The following SEMA5A variants were observed in gnomAD, a reference collection of about 807,000 sequenced individuals.
SEMA5A encodes the protein semaphorin-5A.
A neutral mutation model predicts 135.5 loss-of-function variants in SEMA5A; 55 were observed. The observed-to-expected ratio is 0.41, with a 90% CI of 0.33 to 0.51. The LOEUF is 0.51. Ranked by LOEUF, SEMA5A falls within the 20% of genes least tolerant of loss-of-function variation. SEMA5A has a pLI of 0.37. For synonymous variants in SEMA5A, 580 were observed against 546.5 expected (o/e 1.06, Z -0.85); for missense variants, 1,290 against 1,419.9 (o/e 0.91, Z 1.47).
intron 2 of SEMA5A, among the ~76,000 whole-genome samples, chr5:9,432,375 CT>C: frequency 6.6e-6 from 1 of 152,140 alleles, no homozygotes; most frequent in Admixed American, 6.5e-5. Flanking sequence ...TAGAGATGCC[CT>C]GAAAATATCA....
intron 3 of SEMA5A, among the ~76,000 whole-genome samples, chr5:9,369,927 T>C (rs976305442): frequency 6.6e-6 from 1 of 152,148 alleles, no homozygotes; most frequent in Non-Finnish European, 1.5e-5. Context: ...TCAACCCTTA[T>C]CACTATGTAA....
chr5:9,108,917 C>A (rs1388990391), intron 15 of SEMA5A, among the ~76,000 whole-genome samples: 1 of 150,660 alleles, frequency 6.6e-6, no homozygotes, highest in Non-Finnish European at 1.5e-5. Context: ...AATATTAGTT[C>A]TATTTTTCAG....
intron 1 of SEMA5A, among the ~76,000 whole-genome samples, chr5:9,536,262 T>C (rs1737759939): frequency 6.6e-6 from 1 of 151,914 alleles, no homozygotes. Context: ...AAAAGGAAAA[T>C]TCCTCTGATA....
chr5:9,247,079 T>A (rs190639301), intron 5 of SEMA5A, among the ~76,000 whole-genome samples: 243 of 152,270 alleles, frequency 1.6e-3, no homozygotes, highest in African/African-American at 5.6e-3. Context: ...GAAACAGATG[T>A]AGAAAACGAC....
intron 2 of SEMA5A, among the ~76,000 whole-genome samples, chr5:9,431,094 T>G (rs762399999): frequency 1.3e-5 from 2 of 152,162 alleles, no homozygotes; most frequent in African/African-American, 2.4e-5. Context: ...TCAGAATTAA[T>G]CAGTGTCCAC....
chr5:9,329,775 C>T (rs1753037356), intron 4 of SEMA5A, among the ~76,000 whole-genome samples: 1 of 152,124 alleles, frequency 6.6e-6, no homozygotes, highest in African/African-American at 2.4e-5. Flanking sequence ...TTGGTATCCC[C>T]AGAGCATTGG....
intron 16 of SEMA5A, among the ~76,000 whole-genome samples, chr5:9,068,301 C>A (rs969996360): frequency 2.0e-5 from 3 of 152,210 alleles, no homozygotes; most frequent in Non-Finnish European, 2.9e-5. Flanking sequence ...TGGTTGAGAT[C>A]TTTAAACAGA....
intron 20 of SEMA5A, among the ~76,000 whole-genome samples, chr5:9,051,294 A>T (rs1472080389): frequency 1.3e-5 from 2 of 152,216 alleles, no homozygotes; most frequent in Non-Finnish European, 2.9e-5. Flanking sequence ...CACACAGTGG[A>T]CATATGCGCA....
At chr5:9,494,926 T>C (rs1735224125) in intron 1 of SEMA5A, among the ~76,000 whole-genome samples, 1 of 152,204 alleles carries the variant, frequency 6.6e-6, no homozygotes, top group South Asian at 2.1e-4. Flanking sequence ...TCCTAAGAAA[T>C]AACAAATGCA....
intron 16 of SEMA5A, among the ~76,000 whole-genome samples, chr5:9,078,616 T>C (rs1348730683): frequency 2.7e-5 from 4 of 150,940 alleles, no homozygotes; most frequent in East Asian, 3.9e-4. Context: ...CACACAGTCA[T>C]ACATATGCAA....
At chr5:9,062,843 C>T in intron 18 of SEMA5A, 44 bp downstream of exon 18, 1 of 1,597,884 alleles carries the variant, frequency 6.3e-7, no homozygotes, top group Non-Finnish European at 8.6e-7. Context: ...CTCTCCAAGG[C>T]CCTTGAGTTT....
chr5:9,059,932 C>A (rs560060971), intron 18 of SEMA5A, among the ~76,000 whole-genome samples: 2 of 152,182 alleles, frequency 1.3e-5, no homozygotes, highest in South Asian at 4.2e-4. Flanking sequence ...CCACTATGAA[C>A]CCAACAGGGT....
intron 3 of SEMA5A, among the ~76,000 whole-genome samples, chr5:9,370,861 C>T (rs997674986): frequency 1.3e-5 from 2 of 152,180 alleles, no homozygotes; most frequent in African/African-American, 2.4e-5. Context: ...ACTCACCCCA[C>T]ATTTAATCTC....
intron 11 of SEMA5A, among the ~76,000 whole-genome samples, chr5:9,161,595 T>C (rs146124699): frequency 1.3e-5 from 2 of 152,210 alleles, no homozygotes; most frequent in Admixed American, 6.5e-5. Flanking sequence ...ACTAACCACA[T>C]TTCAGCTGGC....
intron 13 of SEMA5A, among the ~76,000 whole-genome samples, chr5:9,123,331 A>T (rs1032905152): frequency 7.1e-6 from 1 of 141,128 alleles, no homozygotes; most frequent in Non-Finnish European, 1.5e-5. Flanking sequence ...AAAGCAGCAG[A>T]GGTGATTGCT....
chr5:9,094,049 C>T (rs1157359238), intron 16 of SEMA5A, among the ~76,000 whole-genome samples: 1 of 152,206 alleles, frequency 6.6e-6, no homozygotes, highest in East Asian at 1.9e-4. Context: ...GCTCTGATGG[C>T]ATTTATTACT....
chr5:9,494,348 G>A (rs1295887856), intron 1 of SEMA5A, among the ~76,000 whole-genome samples: 1 of 152,138 alleles, frequency 6.6e-6, no homozygotes, highest in Non-Finnish European at 1.5e-5. Context: ...GTAGGTATAT[G>A]GTGATGGACA....
At chr5:9,534,210 C>T (rs986481900) in intron 1 of SEMA5A, among the ~76,000 whole-genome samples, 3 of 152,174 alleles carry the variant, frequency 2.0e-5, no homozygotes, top group Non-Finnish European at 4.4e-5. Flanking sequence ...CCACTATGAG[C>T]AATTCACTAA....
At chr5:9,366,476 C>A (rs1754919031) in intron 3 of SEMA5A, among the ~76,000 whole-genome samples, 1 of 151,928 alleles carries the variant, frequency 6.6e-6, no homozygotes, top group African/African-American at 2.4e-5. Flanking sequence ...GCAAGCTCTG[C>A]CTCCCGGGTT....
Sources: allele counts gnomAD v4.1 joint callset (sites outside exome capture counted in the v4.1 genomes callset), GRCh38; gene constraint gnomAD v4.1.1; transcripts MANE v1.5; gene names NCBI Gene and HGNC (gene_info 2026-07-23, HGNC 2026-07-21).